ANK3: variants seen among roughly 807,000 people sequenced by gnomAD.
The protein encoded by ANK3 is ankyrin 3, also known as ankyrin-3.
A neutral mutation model predicts 370.9 loss-of-function variants in ANK3; 57 were observed. The observed-to-expected ratio is 0.15, with a 90% confidence interval of 0.12 to 0.19. The LOEUF is 0.19. Among genes scored for constraint, ANK3 ranks in the 10% least tolerant of loss-of-function variants. The pLI, the probability that ANK3 is intolerant of heterozygous loss-of-function variation, is 1.00. For missense variants in ANK3, 4,439 were observed against 5,302.1 expected, an observed-to-expected ratio of 0.84 and a Z score of 5.06; for synonymous variants, 1,929 against 1,946.3, an observed-to-expected ratio of 0.99 and a Z score of 0.23.
At chr10:60,709,409 T>G (rs1220504225) in intron 1 of ANK3, among the ~76,000 whole-genome samples, 1 of 152,076 alleles carries the variant, frequency 6.6e-6, no homozygotes, top group Non-Finnish European at 1.5e-5. Flanking sequence ...AACAAATTTG[T>G]GCAAAACTTT....
chr10:60,603,430 C>CTA (rs2078091006), intron 2 of ANK3, among the ~76,000 whole-genome samples: 1 of 152,024 alleles, frequency 6.6e-6, no homozygotes, highest in Non-Finnish European at 1.5e-5. Context: ...AAGGATCTTC[C>CTA]TATAGTAGGC....
At chr10:60,470,183 C>T (rs2065182038) in intron 2 of ANK3, among the ~76,000 whole-genome samples, 1 of 152,006 alleles carries the variant, frequency 6.6e-6, no homozygotes, top group Non-Finnish European at 1.5e-5. Flanking sequence ...AGCATTTGAG[C>T]ATTGAAGAAC....
chr10:60,138,312 C>G (rs2132204911), intron 24 of ANK3, among the ~76,000 whole-genome samples: 1 of 152,322 alleles, frequency 6.6e-6, no homozygotes, highest in South Asian at 2.1e-4. Flanking sequence ...TTTCTTTCAA[C>G]TAGTTTAAGA....
intron 2 of ANK3, among the ~76,000 whole-genome samples, chr10:60,497,064 G>A (rs187370164): frequency 7.9e-4 from 120 of 152,288 alleles, no homozygotes; most frequent in African/African-American, 2.8e-3. Context: ...CACTTTTGGA[G>A]GCTGAGATAG....
intron 1 of ANK3, among the ~76,000 whole-genome samples, chr10:60,303,106 A>G (rs1390331383): frequency 6.6e-6 from 1 of 152,234 alleles, no homozygotes; most frequent in Non-Finnish European, 1.5e-5. Flanking sequence ...ATGAAACTAT[A>G]GAAGAAAACA....
intron 2 of ANK3, among the ~76,000 whole-genome samples, chr10:60,441,525 G>C (rs768587390): frequency 4.1e-4 from 62 of 152,152 alleles, no homozygotes; most frequent in Non-Finnish European, 6.5e-4. Context: ...TAGAAATGCT[G>C]TGTGTAGGTC....
At chr10:60,163,875 T>A (rs1182189385) in intron 23 of ANK3, among the ~76,000 whole-genome samples, 1 of 152,240 alleles carries the variant, frequency 6.6e-6, no homozygotes. Context: ...GCTGTTATTC[T>A]TTAGTGTCTG....
chr10:60,097,934 T>C (rs2090463727), intron 28 of ANK3, among the ~76,000 whole-genome samples: 1 of 152,170 alleles, frequency 6.6e-6, no homozygotes, highest in East Asian at 1.9e-4. Flanking sequence ...GTATTTGATA[T>C]TGAGAGGTGA....
chr10:60,691,219 G>A (rs2079347420), intron 1 of ANK3, among the ~76,000 whole-genome samples: 2 of 152,116 alleles, frequency 1.3e-5, no homozygotes, highest in Non-Finnish European at 2.9e-5. Context: ...GTAGCTGGGT[G>A]ACAGGATCAT....
At chr10:60,054,521 A>G (rs995206806) in intron 42 of ANK3, among the ~76,000 whole-genome samples, 1 of 151,394 alleles carries the variant, frequency 6.6e-6, no homozygotes, top group Non-Finnish European at 1.5e-5. Context: ...ACTTACAGGG[A>G]AAAAAAAATA....
chr10:60,436,216 G>A (rs191164864), intron 2 of ANK3, among the ~76,000 whole-genome samples: 47 of 152,340 alleles, frequency 3.1e-4, no homozygotes, highest in Admixed American at 2.9e-3. Flanking sequence ...CCGTTCATCA[G>A]TTGATGAGTG....
chr10:60,226,814 ATAT>A (rs1004968013), intron 8 of ANK3, among the ~76,000 whole-genome samples: 3 of 149,030 alleles, frequency 2.0e-5, no homozygotes, highest in Non-Finnish European at 4.5e-5. Flanking sequence ...GAATTCTGCC[ATAT>A]TATAATTATA....
chr10:60,141,311 TCCTTC>T (rs1197406169), intron 23 of ANK3, among the ~76,000 whole-genome samples: 2 of 152,152 alleles, frequency 1.3e-5, no homozygotes, highest in African/African-American at 2.4e-5. Flanking sequence ...TCACTGGTGC[TCCTTC>T]GAGAGGTCCC....
intron 1 of ANK3, among the ~76,000 whole-genome samples, chr10:60,359,135 T>C (rs2058231320): frequency 6.6e-6 from 1 of 152,110 alleles, no homozygotes; most frequent in Non-Finnish European, 1.5e-5. Context: ...TGTAAAACAG[T>C]GTCTGACACT....
intron 2 of ANK3, among the ~76,000 whole-genome samples, chr10:60,567,737 T>A (rs1381861558): frequency 6.6e-6 from 1 of 152,312 alleles, no homozygotes; most frequent in East Asian, 1.9e-4. Context: ...CTATTCTAGA[T>A]CCCATTAAGC....
chr10:60,107,416 T>C (rs2092302501), intron 27 of ANK3, among the ~76,000 whole-genome samples: 2 of 152,188 alleles, frequency 1.3e-5, no homozygotes, highest in African/African-American at 4.8e-5. Flanking sequence ...TTCAATGATA[T>C]TGGAGAGAAG....
intron 2 of ANK3, among the ~76,000 whole-genome samples, chr10:60,601,934 T>C (rs2078069947): frequency 6.6e-6 from 1 of 152,192 alleles, no homozygotes; most frequent in Non-Finnish European, 1.5e-5. Context: ...TTTATTGATA[T>C]GCTCAGTGAA....
At chr10:60,251,201 T>A (rs1010805348) in intron 7 of ANK3, among the ~76,000 whole-genome samples, 1 of 152,210 alleles carries the variant, frequency 6.6e-6, no homozygotes, top group African/African-American at 2.4e-5. Flanking sequence ...GTGTTGTTTT[T>A]TCCACCTCGT....
chr10:60,115,486 G>A (rs1199555834), intron 25 of ANK3, among the ~76,000 whole-genome samples: 1 of 152,156 alleles, frequency 6.6e-6, no homozygotes, highest in African/African-American at 2.4e-5. Flanking sequence ...CCAAGCTAGA[G>A]AGACACTATA....
Sources: allele counts gnomAD v4.1 joint callset (sites outside exome capture counted in the v4.1 genomes callset), GRCh38; gene constraint gnomAD v4.1.1; transcripts MANE v1.5; gene names NCBI Gene and HGNC (gene_info 2026-07-23, HGNC 2026-07-21).